AKIRIN1: variants seen among roughly 807,000 people sequenced by gnomAD.
AKIRIN1 encodes akirin 1, also known as akirin-1.
A neutral mutation model predicts 25.9 loss-of-function variants in AKIRIN1; 4 were observed. The observed-to-expected ratio is 0.15, with a 90% CI of 0.08 to 0.35. AKIRIN1 has a LOEUF of 0.35. AKIRIN1 is among the 10% of genes least tolerant of loss of function. The pLI is 1.00. For synonymous variants in AKIRIN1, 125 were observed against 105.1 expected, an observed-to-expected ratio of 1.19 and a Z score of -1.16; for missense variants, 243 against 266.1, an observed-to-expected ratio of 0.91 and a Z score of 0.61.
intron 1 of AKIRIN1, among the ~76,000 whole-genome samples, chr1:38,997,142 A>G (rs948462064): frequency 3.3e-5 from 5 of 152,080 alleles, no homozygotes; most frequent in Non-Finnish European, 7.4e-5. Flanking sequence ...CAAAGTATAC[A>G]CTAGAATAAT....
Position 39,003,351 on chromosome 1 carries a change from A to G in AKIRIN1, c.501A>G (p.Gln167=), listed in dbSNP as rs1011077188. The change falls in exon 4 of 5, where the codon CAA becomes CAG. Residue 167 remains glutamine, a synonymous_variant. Coordinates refer to ENST00000432648, the MANE Select transcript of AKIRIN1 (RefSeq NM_024595.3). ...EQILNTKLAE[Q]YESFVKFTHD... Reference sequence around the variant, plus strand: ...GTATGTACTGTCTTCTCACAGAACAATATGAATCTTTTGTGAAATTCACAC... The same window carrying G: ...GTATGTACTGTCTTCTCACAGAACAGTATGAATCTTTTGTGAAATTCACAC... 1.2e-6 allele frequency: 2 copies of G among 1,613,728 alleles called. No individual in the cohort carries two copies. The highest frequency in any genetic ancestry group is 8.5e-7 in the Non-Finnish European group (1 of 1,179,930).
rs1644031772 is a variant in AKIRIN1 at position 39,006,002 on chromosome 1, A to AATTTT, written c.*1948_*1949insTTTTA. On this transcript the variant is annotated 3_prime_UTR_variant, in exon 5 of 5. Transcript: ENST00000432648. ...TGCATTGAAAATTTATGGACCTTTA[A>AATTTT]AAAAAAAAGCCCAACAGTGATTTTT... 2 of 150,406 alleles carry AATTTT rather than the reference A, an allele frequency of 1.3e-5. No homozygotes were observed. The highest frequency in any genetic ancestry group is 3.0e-5 in the Non-Finnish European group (2 of 67,496). 9.3% of individuals were successfully genotyped at this position (150,406 alleles called of 1,614,324 possible). A position where few individuals can be genotyped will look rare whatever the true frequency, so the allele number is the denominator to read the frequency against.
rs538225984 is a variant in AKIRIN1 at position 39,004,976 on chromosome 1, G to A, written c.*921G>A. On this transcript the variant is annotated 3_prime_UTR_variant, in exon 5 of 5. Coordinates refer to ENST00000432648, the MANE Select transcript of AKIRIN1 (RefSeq NM_024595.3). ...CCAGGCCCCGGCAGCACTGCTACTT[G>A]GGAGGAGCCACTTCACCTTTGTATT... The A allele has an allele frequency of 1.3e-5, 2 of 152,402 alleles. No individual in the cohort carries two copies. Among genetic ancestry groups the A allele is most frequent in the East Asian group, 1.9e-4 (1 of 5,182 alleles). 9.4% of individuals were successfully genotyped at this position (152,402 alleles called of 1,614,324 possible).
At chr1:39,002,365 C>G (rs1643999366) in intron 3 of AKIRIN1, among the ~76,000 whole-genome samples, 1 of 152,130 alleles carries the variant, frequency 6.6e-6, no homozygotes, top group Non-Finnish European at 1.5e-5. Context: ...ACATTGGGAG[C>G]TGTTGGGTTA....
rs890279424 is a variant in AKIRIN1 at position 39,005,361 on chromosome 1, T to G, written c.*1306T>G. ...ATCCTTTGGTCGGGTTCTCCCAAATTCTTTTGAGGTGTCCATGGTCAACTG... is the reference window on the plus strand; with the variant it reads ...ATCCTTTGGTCGGGTTCTCCCAAATGCTTTTGAGGTGTCCATGGTCAACTG... On this transcript the variant is annotated 3_prime_UTR_variant, in exon 5 of 5. Transcript: ENST00000432648. The G allele has an allele frequency of 6.6e-6, 1 of 151,562 alleles. No homozygotes were observed. The highest frequency in any genetic ancestry group is 1.5e-5 in the Non-Finnish European group (1 of 67,932). 9.4% of individuals were successfully genotyped at this position (151,562 alleles called of 1,614,324 possible).
At chr1:39,002,321 A>G (rs951269349) in intron 3 of AKIRIN1, among the ~76,000 whole-genome samples, 2 of 152,214 alleles carry the variant, frequency 1.3e-5, no homozygotes, top group East Asian at 1.9e-4. Context: ...GACCCATACA[A>G]CGTGGTTCCT....
intron 4 of AKIRIN1, among the ~76,000 whole-genome samples, chr1:39,003,622 TA>T (rs1393103937): frequency 2.0e-5 from 3 of 152,232 alleles, no homozygotes; most frequent in Admixed American, 6.5e-5. Context: ...ATTTTACTGG[TA>T]AAGATAGCAT....
At position 39,004,565 on chromosome 1, in the gene AKIRIN1, AC is replaced by A; in HGVS notation, c.*511del. On this transcript the variant is annotated 3_prime_UTR_variant, in exon 5 of 5. Transcript: ENST00000432648. Reference sequence around the variant, plus strand: ...ATGTTTTGTGACCATACAAGTTGTAACAGTGGATTGTTTTTATGTGTAGGTA... The same window carrying A: ...ATGTTTTGTGACCATACAAGTTGTAAAGTGGATTGTTTTTATGTGTAGGTA... The A allele has an allele frequency of 4.5e-6, 1 of 223,570 alleles. No homozygotes were observed. The highest frequency in any genetic ancestry group is 9.0e-6 in the Non-Finnish European group (1 of 110,776). 13.8% of individuals were successfully genotyped at this position (223,570 alleles called of 1,614,324 possible).
intron 1 of AKIRIN1, among the ~76,000 whole-genome samples, chr1:38,993,493 T>G (rs1464617080): frequency 1.3e-5 from 2 of 151,662 alleles, no homozygotes; most frequent in Admixed American, 6.6e-5. Flanking sequence ...TTGGGGGCAG[T>G]GGTGGCATGC....
intron 2 of AKIRIN1, among the ~76,000 whole-genome samples, chr1:38,998,629 T>A (rs950658399): frequency 1.5e-4 from 23 of 152,218 alleles, no homozygotes; most frequent in South Asian, 2.1e-4. Flanking sequence ...TTTGGCCGGC[T>A]GAGGTGGCTC....
chr1:38,998,544 A>G (rs2148067506), intron 2 of AKIRIN1, among the ~76,000 whole-genome samples: 1 of 152,310 alleles, frequency 6.6e-6, no homozygotes, highest in Non-Finnish European at 1.5e-5. Flanking sequence ...TGCAATGTGT[A>G]ATATTGTAGC....
At chr1:39,002,847 C>A (rs771966972) in intron 3 of AKIRIN1, among the ~76,000 whole-genome samples, 1 of 152,184 alleles carries the variant, frequency 6.6e-6, no homozygotes, top group Non-Finnish European at 1.5e-5. Context: ...CTACCTTCTT[C>A]CTTTCTACTC....
At chr1:38,994,427 C>T (rs922230613) in intron 1 of AKIRIN1, among the ~76,000 whole-genome samples, 12 of 152,170 alleles carry the variant, frequency 7.9e-5, no homozygotes, top group African/African-American at 2.7e-4. Flanking sequence ...TATTTGTAAA[C>T]GTAATGTGCA....
rs1570973881 is a variant in AKIRIN1 at position 38,998,372 on chromosome 1, T to C, written c.361+61T>C. ...AGTTTGTAAATGGTACTTATAATGA[T>C]GAATCTAGAATTGGCCTCCTCTAAT... On this transcript the variant is annotated intron_variant, in intron 2 of 4. Coordinates refer to ENST00000432648, the MANE Select transcript of AKIRIN1 (RefSeq NM_024595.3). 4.6e-6 allele frequency: 7 copies of C among 1,516,266 alleles called. No individual in the cohort carries two copies. The East Asian group carries it at 1.6e-4, about 35-fold the overall frequency. 93.9% of individuals were successfully genotyped at this position (1,516,266 alleles called of 1,614,324 possible).
intron 2 of AKIRIN1, among the ~76,000 whole-genome samples, chr1:39,000,342 T>C (rs1372508122): frequency 8.3e-6 from 1 of 120,838 alleles, no homozygotes; most frequent in African/African-American, 2.9e-5. Context: ...TTTTTTTCTT[T>C]TTCTTTTTTT....
At chr1:39,001,474 C>G (rs1557643277) in intron 3 of AKIRIN1, among the ~76,000 whole-genome samples, 2 of 152,054 alleles carry the variant, frequency 1.3e-5, no homozygotes, top group African/African-American at 2.4e-5. Context: ...CCATGTTTGT[C>G]AGGCTGGTCT....
At chr1:38,999,082 A>T (rs1643969389) in intron 2 of AKIRIN1, among the ~76,000 whole-genome samples, 1 of 152,218 alleles carries the variant, frequency 6.6e-6, no homozygotes, top group African/African-American at 2.4e-5. Context: ...GGTTGGAGAC[A>T]GTCTTCATGG....
chr1:39,003,479 A>C (rs1644010084), intron 4 of AKIRIN1, 61 bp downstream of exon 4: 1 of 1,500,908 alleles, frequency 6.7e-7, no homozygotes, highest in Admixed American at 1.7e-5. Context: ...TTCTACACTG[A>C]AACTTCTCTC....
chr1:39,003,977 A>G (rs985975347), intron 4 of AKIRIN1, 68 bp from the exon 5 acceptor site: 1 of 1,431,848 alleles, frequency 7.0e-7, no homozygotes, highest in African/African-American at 1.4e-5. Flanking sequence ...GTTAGTGAAA[A>G]TTTTTAAAGC....
Sources: allele counts gnomAD v4.1 joint callset (sites outside exome capture counted in the v4.1 genomes callset), GRCh38; gene constraint gnomAD v4.1.1; transcripts MANE v1.5; gene names NCBI Gene and HGNC (gene_info 2026-07-23, HGNC 2026-07-21).